Variants in ADAMTS7 observed in about 807,000 individuals in gnomAD.
ADAMTS7 encodes the protein ADAM metallopeptidase with thrombospondin type 1 motif 7, also known as A disintegrin and metalloproteinase with thrombospondin motifs 7.
ADAMTS7 carries 89 observed loss-of-function variants against 172.6 expected under a neutral mutation model. The observed-to-expected ratio is 0.52, with a 90% CI of 0.43 to 0.61. The LOEUF is 0.61. Ranked by LOEUF, ADAMTS7 falls within the 20% of genes least tolerant of loss-of-function variation. The pLI, the probability that ADAMTS7 is intolerant of heterozygous loss-of-function variation, is 0.00. For missense variants in ADAMTS7, 1,973 were observed against 2,355.6 expected, an observed-to-expected ratio of 0.84 and a Z score of 3.36; for synonymous variants, 885 against 978.4, an observed-to-expected ratio of 0.90 and a Z score of 1.78.
intron 8 of ADAMTS7, among the ~76,000 whole-genome samples, chr15:78,778,312 A>G (rs536497334): frequency 9.8e-5 from 15 of 152,376 alleles, no homozygotes; most frequent in African/African-American, 3.4e-4. Context: ...TGAGGCAGGA[A>G]GCATGGAAGC....
Position 78,766,959 on chromosome 15 carries a change from G to T in ADAMTS7, c.2952C>A (p.Ala984=). The change falls in exon 19 of 24, where the codon GCC becomes GCA. Residue 984 remains alanine, a synonymous_variant. Transcript: ENST00000388820. ...GVPCDEAQQP[A]SEVTCSLPLC... is the part of the protein sequence containing the mutation. ...GTGGCAGAGAGCAGGTGACTTCGCT[G>T]GCTGGCTGCTGGGCCTCGTCACAGG... 2 of 1,610,732 alleles carry T rather than the reference G, an allele frequency of 1.2e-6. No individual in the cohort carries two copies. The highest frequency in any genetic ancestry group is 2.2e-5 in the South Asian group (2 of 90,866).
chr15:78,769,133 C>T (rs1229061297), intron 16 of ADAMTS7, among the ~76,000 whole-genome samples: 1 of 152,178 alleles, frequency 6.6e-6, no homozygotes, highest in Non-Finnish European at 1.5e-5. Flanking sequence ...CAAGGGGCAG[C>T]CCCTGCTCTC....
In ADAMTS7 at chr15:78,765,900, G is replaced by A. The variant is rs2055135409; in HGVS notation, c.4011C>T (p.Leu1337=). 5 of 1,577,930 alleles carry A rather than the reference G, an allele frequency of 3.2e-6. No individual in the cohort carries two copies. The highest frequency in any genetic ancestry group is 2.3e-4 in the Middle Eastern group (1 of 4,354). Residue 1337 remains leucine (L), a synonymous_variant, in exon 19 of 24, where the codon CTC becomes CTT. Coordinates refer to ENST00000388820, the MANE Select transcript of ADAMTS7 (RefSeq NM_014272.5). ...LQTVAVWGTF[L]PTTLTGLGHM... ...GCCCGAGGCCAGTCAGGGTTGTGGG[G>A]AGGAAGGTCCCCCACACTGCCACAG...
In ADAMTS7 at chr15:78,790,765, G is replaced by T; in HGVS notation, c.933C>A (p.Asp311Glu). The T allele has an allele frequency of 1.9e-6, 3 of 1,613,960 alleles. No homozygotes were observed. The highest frequency in any genetic ancestry group is 8.5e-7 in the Non-Finnish European group (1 of 1,179,974). ...EEDLKITHHA[D>E]NTLKSFCKWQ... ...ACTTGCAGAAGCTCTTCAGGGTGTT[G>T]TCTGCATGGTGCGTGATCTTTAGGT... Residue 311 changes from aspartate (D) to glutamate (E), a missense_variant, in exon 6 of 24, where the codon GAC becomes GAA. By Grantham distance (45) the Asp-to-Glu change is conservative. This residue lies in a region of ADAMTS7 where 526 missense variants were observed against 662.9 expected (regional missense o/e 0.79). Transcript: ENST00000388820.
Position 78,763,705 on chromosome 15 carries a change from C to T in ADAMTS7, c.4734G>A (p.Trp1578Ter). The T allele has an allele frequency of 1.3e-6, 2 of 1,538,384 alleles. No individual in the cohort carries two copies. The highest frequency in any genetic ancestry group is 1.7e-6 in the Non-Finnish European group (2 of 1,146,126). ...HPCTQWVVGPWGQCSGPCGGG... is the reference protein window; with the variant it reads ...HPCTQWVVGP Reference sequence around the variant, plus strand: ...TCCCCGCAGCCCGGCTCACCTGGCCCCAGGGCCCCACCACCCACTGCGTGC... The same window carrying T: ...TCCCCGCAGCCCGGCTCACCTGGCCTCAGGGCCCCACCACCCACTGCGTGC... The change falls in exon 22 of 24, where the codon TGG (tryptophan) becomes TGA (stop). Residue 1578 changes from tryptophan to a stop codon, truncating the protein, a stop_gained. Coordinates refer to ENST00000388820, the MANE Select transcript of ADAMTS7 (RefSeq NM_014272.5). LOFTEE classifies it high-confidence loss of function.
rs1190620010 is a variant in ADAMTS7, at chr15:78,789,701, T to C, written c.1166A>G (p.Glu389Gly). 2 of 1,613,792 alleles carry C rather than the reference T, an allele frequency of 1.2e-6. No individual in the cohort carries two copies. Among genetic ancestry groups the C allele is most frequent in the East Asian group, 4.5e-5 (2 of 44,874 alleles). ...GLPLAFTVAH[E>G]LGHSFGIQHD... ...GCAGGCACAGTACCTGTGCCCGAGC[T>C]CGTGGGCTACAGTGAAGGCCAGCGG... The change falls in exon 7 of 24, where the codon GAG (glutamate) becomes GGG (glycine). Residue 389 changes from glutamate (E) to glycine (G), a missense_variant. By Grantham distance (98) the Glu-to-Gly change is moderately conservative (BLOSUM62 -2). Transcript: ENST00000388820.
In ADAMTS7 at chr15:78,766,308, G is replaced by T. The variant is rs750985240; in HGVS notation, c.3603C>A (p.Asp1201Glu). ...ATGGAGGGGGCAGCTGGCTCTGGCT[G>T]TCCTTGCCAACTGGGAAATCATTTT... ...ESQNDFPVGKDSQSQLPPPWR... is the reference protein window; with the variant it reads ...ESQNDFPVGKESQSQLPPPWR... Residue 1201 changes from aspartate (D) to glutamate (E), a missense_variant, in exon 19 of 24, where the codon GAC becomes GAA. Around this residue, in one of 8 missense-constraint regions of ADAMTS7, gnomAD observed 771 missense variants for 952.6 expected, o/e 0.81. Transcript: ENST00000388820. 1.2e-6 allele frequency: 2 copies of T among 1,611,310 alleles called. No individual in the cohort carries two copies. The highest frequency in any genetic ancestry group is 4.5e-5 in the East Asian group (2 of 44,890).
At chr15:78,808,616 T>A (rs547207951) in intron 1 of ADAMTS7, among the ~76,000 whole-genome samples, 1 of 140,854 alleles carries the variant, frequency 7.1e-6, no homozygotes, top group African/African-American at 2.7e-5. Context: ...AGTTTAAAAA[T>A]AAGTAACTTT....
chr15:78,785,608 G>A (rs1158450010), intron 8 of ADAMTS7, among the ~76,000 whole-genome samples: 1 of 150,960 alleles, frequency 6.6e-6, no homozygotes, highest in African/African-American at 2.4e-5. Flanking sequence ...ACTTAGTTCA[G>A]ACATCAAGAT....
In ADAMTS7 at chr15:78,806,127, CAAAAAAAAAAAAAA is replaced by C. The variant is rs1169680816; in HGVS notation, c.100+4980_100+4993del. Among the ~76,000 whole-genome samples the C allele has an allele frequency of 1.6e-3, 38 of 23,260 alleles. 1 individual carries two copies. Among genetic ancestry groups the C allele is most frequent in the Middle Eastern group, 0.045 (1 of 22 alleles). The allele number at this position is 23,260 out of a possible 152,430, so 15.3% of individuals were successfully genotyped here. On this transcript the variant is annotated intron_variant, in intron 1 of 23. Coordinates refer to ENST00000388820, the MANE Select transcript of ADAMTS7 (RefSeq NM_014272.5). ...ACACACACACACACACACACACACACAAAAAAAAAAAAAAAAAAAAAAAAAAAACAGAAAAATGG... is the reference window on the plus strand; with the variant it reads ...ACACACACACACACACACACACACACAAAAAAAAAAAAAACAGAAAAATGG...
intron 7 of ADAMTS7, 127 bp from the exon 8 acceptor site, chr15:78,788,501 C>T (rs1362096043): frequency 9.8e-6 from 11 of 1,119,596 alleles, no homozygotes; most frequent in Non-Finnish European, 1.3e-5. Context: ...AATGGCTGCA[C>T]CCAATGGCTG....
intron 3 of ADAMTS7, among the ~76,000 whole-genome samples, chr15:78,797,646 G>C (rs1211787601): frequency 6.6e-6 from 1 of 152,246 alleles, no homozygotes; most frequent in Non-Finnish European, 1.5e-5. Context: ...GGCAGAGCCA[G>C]GTACCATAGG....
intron 6 of ADAMTS7, 60 bp downstream of exon 6, chr15:78,790,610 C>T: frequency 6.3e-7 from 1 of 1,598,000 alleles, no homozygotes; most frequent in Non-Finnish European, 8.5e-7. Flanking sequence ...AGGGCTTCTT[C>T]TGCAGGGCCG....
chr15:78,808,479 G>A (rs763536513), intron 1 of ADAMTS7, among the ~76,000 whole-genome samples: 29 of 152,092 alleles, frequency 1.9e-4, no homozygotes, highest in Non-Finnish European at 3.4e-4. Flanking sequence ...CAAGTGATCC[G>A]CCAGCCTCAG....
At chr15:78,809,360 C>A (rs1364799884) in intron 1 of ADAMTS7, among the ~76,000 whole-genome samples, 1 of 152,112 alleles carries the variant, frequency 6.6e-6, no homozygotes, top group Admixed American at 6.5e-5. Flanking sequence ...GTCACCAATC[C>A]TGAGGGAGTG....
chr15:78,765,456 T>C (rs1472296386), intron 19 of ADAMTS7, among the ~76,000 whole-genome samples, 189 bp downstream of exon 19: 1 of 152,230 alleles, frequency 6.6e-6, no homozygotes, highest in East Asian at 1.9e-4. Flanking sequence ...TGCCCCTGCC[T>C]TCCCTGAGGC....
At chr15:78,777,290 C>T in intron 9 of ADAMTS7, 154 bp downstream of exon 9, 4 of 1,145,928 alleles carry the variant, frequency 3.5e-6, no homozygotes, top group Non-Finnish European at 4.8e-6. Context: ...TGGCCTCTCC[C>T]ACAGGCCACT....
At chr15:78,775,327 C>G (rs7171045) in intron 11 of ADAMTS7, among the ~76,000 whole-genome samples, 1 of 151,698 alleles carries the variant, frequency 6.6e-6, no homozygotes, top group Non-Finnish European at 1.5e-5. Flanking sequence ...TGAAATCCTC[C>G]GCATCTAGGC....
intron 16 of ADAMTS7, among the ~76,000 whole-genome samples, chr15:78,768,859 C>G (rs1176828217): frequency 1.3e-5 from 2 of 151,984 alleles, no homozygotes; most frequent in Non-Finnish European, 2.9e-5. Context: ...GAGGGGTGAC[C>G]GGGGCTGGGG....
Sources: allele counts gnomAD v4.1 joint callset (sites outside exome capture counted in the v4.1 genomes callset), GRCh38; gene constraint gnomAD v4.1.1; regional missense constraint gnomAD v4.1.1; transcripts MANE v1.5; gene names NCBI Gene and HGNC (gene_info 2026-07-23, HGNC 2026-07-21).